Variants in PIGU observed in about 807,000 individuals in gnomAD.
PIGU encodes the protein GPI-anchor transamidase component PIGU.
Under a neutral mutation model 49.9 loss-of-function variants are expected in PIGU, and 24 were observed. That is an observed-to-expected ratio of 0.48 (90% CI 0.35 to 0.68). PIGU has a LOEUF of 0.68. Ranked by LOEUF, PIGU falls within the 30% of genes least tolerant of loss-of-function variation. PIGU has a pLI of 0.01. For synonymous variants in PIGU, 220 were observed against 205.7 expected, an observed-to-expected ratio of 1.07 and a Z score of -0.59; for missense variants, 490 against 532.6, an observed-to-expected ratio of 0.92 and a Z score of 0.79.
In PIGU at chr20:34,612,360, G is replaced by C. The variant is rs1400824270; in HGVS notation, c.627+3682C>G. On this transcript the variant is annotated intron_variant, in intron 7 of 11. Coordinates refer to ENST00000217446, the MANE Select transcript of PIGU (RefSeq NM_080476.5). ...CACACACTGGGGCCTGTCATGGGGT[G>C]GGGGACAAGGTGTGGGAGAGCGTTA... 2.0e-5 allele frequency among the ~76,000 whole-genome samples: 3 copies of C among 152,020 alleles called. No individual in the cohort carries two copies. In the South Asian group the frequency reaches 6.2e-4, roughly 32 times the overall value.
intron 10 of PIGU, among the ~76,000 whole-genome samples, chr20:34,576,856 C>G (rs1983255812): frequency 6.6e-6 from 1 of 152,194 alleles, no homozygotes; most frequent in Non-Finnish European, 1.5e-5. Context: ...ATTCCCCCCA[C>G]CTCCACCTCT....
In PIGU at chr20:34,575,208, C is replaced by T. The variant is rs201922552; in HGVS notation, c.1090G>A (p.Val364Ile). The change falls in exon 11 of 12, where the codon GTC becomes ATC. Residue 364 changes from valine (V) to isoleucine (I), a missense_variant. Physicochemically the swap from Val to Ile is conservative, Grantham distance 29 (BLOSUM62 3). Coordinates refer to ENST00000217446, the MANE Select transcript of PIGU (RefSeq NM_080476.5). The stretch of plus-strand genomic sequence containing the variant: ...AGGACAGGGAAGAGCAGGGAACAGA[C>T]GATGATGATGCAGGTGAGGACAAAG... ...NIFVLTCIII[V>I]CSLLFPVLWH... The T allele has an allele frequency of 1.4e-4, 229 of 1,613,964 alleles. No individual in the cohort carries two copies. Among genetic ancestry groups the T allele is most frequent in the Admixed American group, 2.3e-4 (14 of 59,998 alleles).
intron 2 of PIGU, among the ~76,000 whole-genome samples, chr20:34,655,373 A>C (rs1304499834): frequency 8.3e-6 from 1 of 120,494 alleles, no homozygotes; most frequent in African/African-American, 3.1e-5. Context: ...GATATGGCCA[A>C]TAAGAACGGA....
At chr20:34,657,865 ATATCTC>A (rs1015323144) in intron 1 of PIGU, among the ~76,000 whole-genome samples, 2 of 152,150 alleles carry the variant, frequency 1.3e-5, no homozygotes, top group African/African-American at 4.8e-5. Context: ...GACATAATAT[ATATCTC>A]TATATAATGG....
At chr20:34,594,958 G>C (rs1484562592) in intron 7 of PIGU, among the ~76,000 whole-genome samples, 2 of 151,746 alleles carry the variant, frequency 1.3e-5, no homozygotes, top group African/African-American at 4.8e-5. Flanking sequence ...CGGGCATGGT[G>C]GGGGGCGCCT....
At chr20:34,616,471 T>C (rs1195520872) in intron 6 of PIGU, among the ~76,000 whole-genome samples, 1 of 152,234 alleles carries the variant, frequency 6.6e-6, no homozygotes, top group Non-Finnish European at 1.5e-5. Flanking sequence ...ATCCATGTCC[T>C]ATCTAATGTA....
chr20:34,674,971 A>G (rs67439923), intron 1 of PIGU, among the ~76,000 whole-genome samples: 61,350 of 147,370 alleles, frequency 0.42, 13,341 homozygotes, highest in Admixed American at 0.57. Context: ...AAAAGAGGCC[A>G]GGCATGGCGG....
rs566796394 is a variant in PIGU at position 34,668,776 on chromosome 20, T to A, written c.130+8180A>T. ...AGAGCGAGACTCTGACTCAAAAAAA[T>A]AAATAAATAAATAAATAAAATAAAA... is the stretch of plus-strand genomic sequence containing the variant. On this transcript the variant is annotated intron_variant, in intron 1 of 11. Coordinates refer to ENST00000217446, the MANE Select transcript of PIGU (RefSeq NM_080476.5). 3.5e-3 allele frequency among the ~76,000 whole-genome samples: 342 copies of A among 96,622 alleles called. 1 individual carries two copies. The highest frequency in any genetic ancestry group is 0.012 in the African/African-American group (313 of 25,640). The allele number at this position is 96,622 out of a possible 152,430, so 63.4% of individuals were successfully genotyped here.
In PIGU at chr20:34,637,952, G is replaced by A. The variant is rs531884356; in HGVS notation, c.352C>T (p.Gln118Ter). ...AGTTCGGCCACATCTGGGGCATACT[G>A]GTCCAGTTCTAGGAGGAGTTTCTGC... ...KKQKLLLELD[Q>*]YAPDVAELIR... is the part of the protein sequence containing the mutation. The change falls in exon 5 of 12, where the codon CAG (glutamine) becomes TAG (stop). Residue 118 changes from glutamine to a stop codon, truncating the protein, a stop_gained. Transcript: ENST00000217446. LOFTEE classifies it high-confidence loss of function. The A allele has an allele frequency of 1.3e-6, 2 of 1,596,362 alleles. No homozygotes were observed. The highest frequency in any genetic ancestry group is 1.8e-5 in the Admixed American group (1 of 55,632).
chr20:34,568,128 C>T (rs758244429), intron 11 of PIGU, among the ~76,000 whole-genome samples: 2 of 152,194 alleles, frequency 1.3e-5, no homozygotes, highest in Non-Finnish European at 2.9e-5. Context: ...CCAGGAGTTA[C>T]GGGATGTGCC....
intron 4 of PIGU, among the ~76,000 whole-genome samples, chr20:34,638,908 T>C (rs1377473759): frequency 1.3e-5 from 2 of 152,190 alleles, no homozygotes; most frequent in Non-Finnish European, 2.9e-5. Flanking sequence ...GGTGGCCCTG[T>C]TGATTTAATG....
chr20:34,657,427 C>CA (rs1181133857), intron 1 of PIGU, among the ~76,000 whole-genome samples, 183 bp from the exon 2 acceptor site: 2 of 152,190 alleles, frequency 1.3e-5, no homozygotes, highest in Non-Finnish European at 2.9e-5. Flanking sequence ...TGGACAGCAT[C>CA]CTTTTTCATT....
At chr20:34,563,453 G>C (rs1982613093) in intron 11 of PIGU, among the ~76,000 whole-genome samples, 1 of 152,190 alleles carries the variant, frequency 6.6e-6, no homozygotes, top group African/African-American at 2.4e-5. Context: ...TGTAATCCCA[G>C]CTACTTGGGA....
intron 11 of PIGU, among the ~76,000 whole-genome samples, chr20:34,572,655 A>G (rs1192861583): frequency 6.6e-6 from 1 of 152,190 alleles, no homozygotes. Context: ...CTCTATCTCA[A>G]AAAATAAATA....
intron 7 of PIGU, among the ~76,000 whole-genome samples, chr20:34,612,896 T>G (rs1984874587): frequency 6.6e-6 from 1 of 152,152 alleles, no homozygotes; most frequent in Admixed American, 6.6e-5. Flanking sequence ...GTACTGAGAT[T>G]ACAGGTGTAA....
At chr20:34,649,595 A>G (rs1166040302) in intron 2 of PIGU, among the ~76,000 whole-genome samples, 1 of 149,434 alleles carries the variant, frequency 6.7e-6, no homozygotes, top group Non-Finnish European at 1.5e-5. Flanking sequence ...ATCTCGGCTC[A>G]CTGCAACTTC....
intron 7 of PIGU, among the ~76,000 whole-genome samples, chr20:34,601,702 A>C (rs1366523333): frequency 6.6e-6 from 1 of 152,184 alleles, no homozygotes; most frequent in Non-Finnish European, 1.5e-5. Flanking sequence ...AGCTCCCAAA[A>C]ACTTGACTTG....
At chr20:34,604,941 G>C (rs1415902467) in intron 7 of PIGU, among the ~76,000 whole-genome samples, 1 of 151,990 alleles carries the variant, frequency 6.6e-6, no homozygotes, top group African/African-American at 2.4e-5. Flanking sequence ...GGAATCCAAG[G>C]CTTTAGGAAT....
intron 2 of PIGU, among the ~76,000 whole-genome samples, chr20:34,646,191 G>T (rs983459608): frequency 2.0e-5 from 3 of 152,138 alleles, no homozygotes; most frequent in Non-Finnish European, 4.4e-5. Flanking sequence ...TTCTTTGAGA[G>T]ATTTTAAATC....
Sources: allele counts gnomAD v4.1 joint callset (sites outside exome capture counted in the v4.1 genomes callset), GRCh38; gene constraint gnomAD v4.1.1; transcripts MANE v1.5; gene names NCBI Gene and HGNC (gene_info 2026-07-23, HGNC 2026-07-21).